Variants in VPS13B observed in about 807,000 individuals in gnomAD.
The protein encoded by VPS13B is vacuolar protein sorting 13 homolog B.
A neutral mutation model predicts 426.4 loss-of-function variants in VPS13B; 285 were observed. That is an observed-to-expected ratio of 0.67 (90% CI 0.61 to 0.74). The LOEUF is 0.74. Among genes scored for constraint, VPS13B ranks in the 30% least tolerant of loss-of-function variants. The probability of loss-of-function intolerance (pLI) is 0.00; values close to 1 mark genes in which losing one functional copy is unlikely to be tolerated. For synonymous variants in VPS13B, 1,676 were observed against 1,676.4 expected (o/e 1.00, Z 0.01); for missense variants, 4,537 against 4,782.6 (o/e 0.95, Z 1.51).
chr8:99,345,305 C>T (rs950425511), intron 19 of VPS13B, among the ~76,000 whole-genome samples: 4 of 152,214 alleles, frequency 2.6e-5, no homozygotes, highest in East Asian at 1.9e-4. Flanking sequence ...AGCAAATCTG[C>T]CCACCTTAAC....
At chr8:99,115,119 C>CT (rs1759534983) in intron 6 of VPS13B, among the ~76,000 whole-genome samples, 1 of 151,958 alleles carries the variant, frequency 6.6e-6, no homozygotes. Flanking sequence ...GTCTGAAAAA[C>CT]TTTTTTCAAC....
At chr8:99,153,044 C>T (rs1811160706) in intron 14 of VPS13B, among the ~76,000 whole-genome samples, 4 of 152,108 alleles carry the variant, frequency 2.6e-5, no homozygotes, top group Admixed American at 1.3e-4. Flanking sequence ...CTGGTGTGTG[C>T]CTGTAGTTCC....
chr8:99,590,318 T>C (rs1312600381), intron 33 of VPS13B, among the ~76,000 whole-genome samples: 1 of 152,212 alleles, frequency 6.6e-6, no homozygotes, highest in Non-Finnish European at 1.5e-5. Context: ...TGAAGGGTTT[T>C]TTGTGTCTCT....
chr8:99,876,283 C>G lies in VPS13B; in HGVS notation c.*617C>G, dbSNP rs1817698256. Reference sequence around the variant, plus strand: ...GGACTTTGTGGCTTGTTACATTTGTCATTTAACTGCAGTGCTATTCTTTGA... The same window carrying G: ...GGACTTTGTGGCTTGTTACATTTGTGATTTAACTGCAGTGCTATTCTTTGA... On this transcript the variant is annotated 3_prime_UTR_variant, in exon 62 of 62. Coordinates refer to ENST00000357162, the MANE Select transcript of VPS13B (RefSeq NM_152564.5). 6.5e-6 allele frequency: 1 copy of G among 154,088 alleles called. No individual in the cohort carries two copies. Among genetic ancestry groups the G allele is most frequent in the East Asian group, 1.9e-4 (1 of 5,210 alleles). The allele number at this position is 154,088 out of a possible 1,614,324, so 9.5% of individuals were successfully genotyped here.
chr8:99,217,685 C>T (rs577090625), intron 17 of VPS13B, among the ~76,000 whole-genome samples: 9 of 152,238 alleles, frequency 5.9e-5, no homozygotes, highest in East Asian at 5.8e-4. Context: ...TTATAAAAGA[C>T]ACATGAGTTG....
chr8:99,614,692 G>A (rs908475040), intron 33 of VPS13B, among the ~76,000 whole-genome samples: 30 of 152,022 alleles, frequency 2.0e-4, no homozygotes, highest in Admixed American at 7.2e-4. Flanking sequence ...ATAGTCCTAC[G>A]TTATTTAATG....
rs1817420478 is a variant in VPS13B, at chr8:99,871,634, C to A, written c.11682C>A (p.Asp3894Glu). The change falls in exon 61 of 62, where the codon GAC (aspartate) becomes GAA (glutamate). Residue 3894 changes from aspartate (D) to glutamate (E), a missense_variant. By Grantham distance (45) the Asp-to-Glu change is conservative. Transcript: ENST00000357162. The stretch of plus-strand genomic sequence containing the variant: ...TCACAGAAATCGACTGTGCACAGGA[C>A]AGCAAGCAGAACAACTTACTCACAG... Reference protein sequence around the residue: ...FPVTEIDCAQDSKQNNLLTVQ... With the variant: ...FPVTEIDCAQESKQNNLLTVQ... 6.2e-7 allele frequency: 1 copy of A among 1,614,044 alleles called. No homozygotes were observed. The highest frequency in any genetic ancestry group is 1.7e-5 in the Admixed American group (1 of 60,006).
At chr8:99,636,618 G>C (rs1026767347) in intron 33 of VPS13B, among the ~76,000 whole-genome samples, 1 of 151,962 alleles carries the variant, frequency 6.6e-6, no homozygotes, top group African/African-American at 2.4e-5. Context: ...TTTTGGCACA[G>C]GTTCTGTGTG....
intron 21 of VPS13B, among the ~76,000 whole-genome samples, chr8:99,424,078 G>C (rs1271709213): frequency 6.6e-6 from 1 of 152,162 alleles, no homozygotes; most frequent in Non-Finnish European, 1.5e-5. Context: ...CTTGCTTTAT[G>C]AATCTGTGTG....
intron 3 of VPS13B, among the ~76,000 whole-genome samples, chr8:99,048,043 C>T (rs924921113): frequency 2.0e-5 from 3 of 151,984 alleles, no homozygotes; most frequent in African/African-American, 4.8e-5. Flanking sequence ...TTTGATAGGT[C>T]GTGTCACAAT....
In VPS13B at chr8:99,442,640, A is replaced by ATGT. The variant is rs1335342521; in HGVS notation, c.3445+7_3445+9dup. The ATGT allele has an allele frequency of 6.2e-7, 1 of 1,612,794 alleles. No individual in the cohort carries two copies. The highest frequency in any genetic ancestry group is 8.5e-7 in the Non-Finnish European group (1 of 1,179,202). ...CACGACCCATCCTTGAAGAAGGTAT[A>ATGT]TGTTAACATTTTTTTCCTATGGTTA... On this transcript the variant is annotated splice_donor_region_variant and intron_variant, in intron 23 of 61. Coordinates refer to ENST00000357162, the MANE Select transcript of VPS13B (RefSeq NM_152564.5).
chr8:99,189,826 A>G (rs1021273399), intron 16 of VPS13B, among the ~76,000 whole-genome samples: 23 of 152,226 alleles, frequency 1.5e-4, no homozygotes, highest in Non-Finnish European at 8.8e-5. Flanking sequence ...TGTGATCAGC[A>G]CATATATTGT....
chr8:99,589,775 C>T (rs563785727), intron 33 of VPS13B, among the ~76,000 whole-genome samples: 1 of 152,280 alleles, frequency 6.6e-6, no homozygotes, highest in African/African-American at 2.4e-5. Context: ...CAATGTTCAT[C>T]AGGGATATTG....
intron 33 of VPS13B, chr8:99,613,716 T>G (rs1406052926): frequency 6.6e-6 from 1 of 152,214 alleles, no homozygotes; most frequent in Non-Finnish European, 1.5e-5. Flanking sequence ...AAATATGGTT[T>G]CTTTTAACGT....
At chr8:99,335,038 TG>T (rs545323846) in intron 19 of VPS13B, among the ~76,000 whole-genome samples, 51 of 152,306 alleles carry the variant, frequency 3.3e-4, no homozygotes, top group African/African-American at 1.2e-3. Flanking sequence ...TTTCAGCTCC[TG>T]TTATTGGTCT....
At chr8:99,535,580 G>A (rs552813790) in intron 30 of VPS13B, among the ~76,000 whole-genome samples, 1 of 152,158 alleles carries the variant, frequency 6.6e-6, no homozygotes, top group Non-Finnish European at 1.5e-5. Flanking sequence ...AAAAGTCAGT[G>A]CATAGCTAAT....
rs527415781 is a variant in VPS13B at position 99,744,063 on chromosome 8, T to A, written c.7051-22711T>A. Among the ~76,000 whole-genome samples the A allele has an allele frequency of 3.3e-5, 5 of 152,278 alleles. No individual in the cohort carries two copies. The South Asian group carries it at 1.0e-3, about 32-fold the overall frequency. Reference sequence around the variant, plus strand: ...AACCTACAAAATGGGAGACAATTTTTGCAATCTACTCATCTGACAAAGGGC... The same window carrying A: ...AACCTACAAAATGGGAGACAATTTTAGCAATCTACTCATCTGACAAAGGGC... On this transcript the variant is annotated intron_variant, in intron 39 of 61. Transcript: ENST00000357162.
Position 99,169,983 on chromosome 8 carries a change from T to C in VPS13B, c.2209-56T>C, listed in dbSNP as rs376016484. The C allele has an allele frequency of 4.9e-5, 79 of 1,604,192 alleles. No homozygotes were observed. In the East Asian group the frequency reaches 5.8e-4, roughly 12 times the overall value. ...AAGTTGAAACTGACGTATTTCATCCTGTGCTTATTAAAACTTTGTCTGTGT... is the reference window on the plus strand; with the variant it reads ...AAGTTGAAACTGACGTATTTCATCCCGTGCTTATTAAAACTTTGTCTGTGT... On this transcript the variant is annotated intron_variant, in intron 15 of 61. Transcript: ENST00000357162.
chr8:99,484,274 TTC>T (rs1200480066), intron 25 of VPS13B, among the ~76,000 whole-genome samples: 1 of 152,160 alleles, frequency 6.6e-6, no homozygotes, highest in Non-Finnish European at 1.5e-5. Context: ...TGAGGATTTT[TTC>T]TGATTGGGTT....
Sources: allele counts gnomAD v4.1 joint callset (sites outside exome capture counted in the v4.1 genomes callset), GRCh38; gene constraint gnomAD v4.1.1; transcripts MANE v1.5; gene names NCBI Gene and HGNC (gene_info 2026-07-23, HGNC 2026-07-21).